DGKI: variants seen among roughly 807,000 people sequenced by gnomAD.
The protein encoded by DGKI is diacylglycerol kinase iota.
In DGKI, 55 loss-of-function variants were observed where a neutral mutation model predicts 147.5. That is an observed-to-expected ratio of 0.37 (90% confidence interval 0.30 to 0.47). DGKI has a LOEUF of 0.47. Among genes scored for constraint, DGKI ranks in the 20% least tolerant of loss-of-function variants. The pLI is 1.00. For missense variants in DGKI, 1,007 were observed against 1,323.8 expected (o/e 0.76, Z 3.71); for synonymous variants, 469 against 477.1 (o/e 0.98, Z 0.22).
chr7:137,428,910 A>G (rs1272930999), intron 28 of DGKI, among the ~76,000 whole-genome samples: 6 of 152,190 alleles, frequency 3.9e-5, no homozygotes, highest in Admixed American at 6.5e-5. Context: ...AGAGGACACA[A>G]AGAAATGGAA....
intron 24 of DGKI, among the ~76,000 whole-genome samples, chr7:137,468,588 C>T (rs943739993): frequency 2.6e-5 from 4 of 152,128 alleles, no homozygotes; most frequent in Non-Finnish European, 5.9e-5. Context: ...GATACAAGTG[C>T]CCATCTTCAT....
At position 137,463,535 on chromosome 7, in the gene DGKI, A is replaced by G; in HGVS notation, c.2689T>C (p.Tyr897His). The G allele has an allele frequency of 6.2e-7, 1 of 1,614,194 alleles. No homozygotes were observed. The highest frequency in any genetic ancestry group is 8.5e-7 in the Non-Finnish European group (1 of 1,180,026). Residue 897 changes from tyrosine to histidine, a missense_variant, in exon 27 of 33, where the codon TAT (tyrosine) becomes CAT (histidine). Physicochemically the swap from Tyr to His is moderately conservative, Grantham distance 83. This residue lies in a region of DGKI where 385 missense variants were observed against 445.2 expected (regional missense o/e 0.86). Transcript: ENST00000614521. Reference sequence around the variant, plus strand: ...AGATCTTTCAGATCTGAGTCCTCATAATAGGGAGCTATCATCCCCAGCCCA... The same window carrying G: ...AGATCTTTCAGATCTGAGTCCTCATGATAGGGAGCTATCATCCCCAGCCCA... ...DSGLGMIAPY[Y>H]EDSDLKDLSH...
intron 21 of DGKI, among the ~76,000 whole-genome samples, chr7:137,517,330 AG>A (rs1816806139): frequency 7.4e-6 from 1 of 135,496 alleles, no homozygotes. Context: ...AAAGAAAGAA[AG>A]AAAGAAAGAG....
At chr7:137,565,998 G>A (rs1307320268) in intron 19 of DGKI, among the ~76,000 whole-genome samples, 1 of 149,018 alleles carries the variant, frequency 6.7e-6, no homozygotes, top group Non-Finnish European at 1.5e-5. Context: ...TAATAAAAGT[G>A]CCATTCTGAA....
intron 27 of DGKI, among the ~76,000 whole-genome samples, chr7:137,460,981 T>C (rs558778057): frequency 2.0e-5 from 3 of 152,324 alleles, no homozygotes; most frequent in African/African-American, 7.2e-5. Context: ...TTCAATCTCT[T>C]CTTTTAAAGA....
intron 1 of DGKI, among the ~76,000 whole-genome samples, chr7:137,720,250 C>CTTTTTTTTTT (rs552382033): frequency 4.5e-5 from 4 of 88,218 alleles, no homozygotes; most frequent in Non-Finnish European, 6.0e-5. Context: ...TTGAAAAAAT[C>CTTTTTTTTTT]TTTTTTTTTT....
At chr7:137,767,471 G>GGAAGAGAAGAGAAGAGAAGAGAAGA (rs71177920) in intron 1 of DGKI, among the ~76,000 whole-genome samples, 1,041 of 89,632 alleles carry the variant, frequency 0.012, 40 homozygotes, top group African/African-American at 0.015. Context: ...AGAAGAGAAG[G>GGAAGAGAAGAGAAGAGAAGAGAAGA]GAAGAGAAGA....
chr7:137,577,305 G>A, intron 16 of DGKI, 21 bp from the exon 17 acceptor site: 2 of 1,556,746 alleles, frequency 1.3e-6, no homozygotes, highest in Middle Eastern at 1.7e-4. Context: ...GGGAAATAAA[G>A]AAGAAGAAAT....
chr7:137,529,347 AT>A (rs201122596), intron 20 of DGKI, among the ~76,000 whole-genome samples: 2,077 of 152,278 alleles, frequency 0.014, 38 homozygotes, highest in South Asian at 0.072. Flanking sequence ...AATAAAAAAA[AT>A]CTATGCTTTT....
intron 1 of DGKI, among the ~76,000 whole-genome samples, chr7:137,804,694 G>T (rs1449170287): frequency 1.3e-5 from 2 of 152,182 alleles, no homozygotes; most frequent in African/African-American, 4.8e-5. Context: ...GAAAGGAAAT[G>T]GATATATTTC....
intron 3 of DGKI, among the ~76,000 whole-genome samples, chr7:137,658,964 T>C (rs1468624967): frequency 1.3e-5 from 2 of 152,264 alleles, no homozygotes; most frequent in East Asian, 1.9e-4. Flanking sequence ...CTGAACTATA[T>C]TGATTTTTAA....
intron 2 of DGKI, among the ~76,000 whole-genome samples, chr7:137,680,293 G>A (rs1823191662): frequency 6.6e-6 from 1 of 152,220 alleles, no homozygotes; most frequent in Non-Finnish European, 1.5e-5. Context: ...GGGAAATGAA[G>A]TCTGTTGTTT....
At chr7:137,719,415 C>T (rs1403730107) in intron 1 of DGKI, among the ~76,000 whole-genome samples, 3 of 152,046 alleles carry the variant, frequency 2.0e-5, no homozygotes, top group African/African-American at 7.2e-5. Context: ...CCACGTCCCC[C>T]TGGAACACAA....
At chr7:137,827,282 G>A (rs1035334829) in intron 1 of DGKI, among the ~76,000 whole-genome samples, 4 of 152,084 alleles carry the variant, frequency 2.6e-5, no homozygotes, top group African/African-American at 2.4e-5. Context: ...AACCTCCAAT[G>A]GCTCCCTATT....
chr7:137,517,295 G>GA (rs1482445975), intron 21 of DGKI, among the ~76,000 whole-genome samples: 2 of 93,992 alleles, frequency 2.1e-5, no homozygotes, highest in African/African-American at 4.5e-5. Context: ...AAGAAAGAAA[G>GA]AAAGAAAGAA....
chr7:137,456,373 T>G (rs138790966), intron 27 of DGKI, among the ~76,000 whole-genome samples: 1 of 152,204 alleles, frequency 6.6e-6, no homozygotes, highest in Non-Finnish European at 1.5e-5. Context: ...GGGTTTAGTA[T>G]AGCAATATAA....
intron 21 of DGKI, among the ~76,000 whole-genome samples, chr7:137,513,666 G>C (rs1475789774): frequency 6.6e-6 from 1 of 152,122 alleles, no homozygotes; most frequent in Non-Finnish European, 1.5e-5. Context: ...ACACACCTAG[G>C]CTATACGGTA....
Position 137,579,347 on chromosome 7 carries a change from C to T in DGKI, c.1643-1022G>A, listed in dbSNP as rs78530718. On this transcript the variant is annotated intron_variant, in intron 15 of 32. Transcript: ENST00000614521. ...TGCCACAATTAAAAATCTGGTCTTGCTTATCCTGTTTTTTCTTCTATAGCT... is the reference window on the plus strand; with the variant it reads ...TGCCACAATTAAAAATCTGGTCTTGTTTATCCTGTTTTTTCTTCTATAGCT... 6.3e-3 allele frequency among the ~76,000 whole-genome samples: 946 copies of T among 150,434 alleles called. 6 individuals are homozygous for T. The highest frequency in any genetic ancestry group is 0.022 in the African/African-American group (895 of 40,716).
intron 6 of DGKI, among the ~76,000 whole-genome samples, chr7:137,624,885 C>G (rs375815372): frequency 1.3e-5 from 2 of 151,724 alleles, no homozygotes; most frequent in African/African-American, 4.8e-5. Flanking sequence ...GGATTATAGG[C>G]GTGAGCCATC....
Sources: allele counts gnomAD v4.1 joint callset (sites outside exome capture counted in the v4.1 genomes callset), GRCh38; gene constraint gnomAD v4.1.1; regional missense constraint gnomAD v4.1.1; transcripts MANE v1.5; gene names NCBI Gene and HGNC (gene_info 2026-07-23, HGNC 2026-07-21).